CLASP2: variants seen among roughly 807,000 people sequenced by gnomAD.
CLASP2 encodes the protein CLIP-associating protein 2.
In CLASP2, 47 loss-of-function variants were observed where a neutral mutation model predicts 194.4. The ratio of observed to expected loss-of-function variants is 0.24; its 90% CI spans 0.19 to 0.31. The LOEUF (loss-of-function observed/expected upper bound fraction) is 0.31. CLASP2 is among the 10% of genes least tolerant of loss of function. CLASP2 has a pLI of 1.00. For synonymous variants in CLASP2, 619 were observed against 633.5 expected (o/e 0.98, Z 0.34); for missense variants, 1,445 against 1,823.6 (o/e 0.79, Z 3.78).
chr3:33,700,305 T>A (rs930331029), intron 1 of CLASP2, among the ~76,000 whole-genome samples: 10 of 151,962 alleles, frequency 6.6e-5, no homozygotes, highest in African/African-American at 2.4e-4. Flanking sequence ...CACATACCTG[T>A]AATCCCAGCT....
In CLASP2 at chr3:33,688,341, A is replaced by C; in HGVS notation, c.406T>G (p.Phe136Val). 1 of 1,591,824 alleles carries C rather than the reference A, an allele frequency of 6.3e-7. No homozygotes were observed. The highest frequency in any genetic ancestry group is 8.6e-7 in the Non-Finnish European group (1 of 1,168,132). Reference protein sequence around the residue: ...MYIWEQLASGFKHKNFRSREG... With the variant: ...MYIWEQLASGVKHKNFRSREG... The stretch of plus-strand genomic sequence containing the variant: ...CGAGATCGAAAATTCTTGTGTTTAA[A>C]ACCAGAAGCCAACTGCTCCCAAATG... The change falls in exon 4 of 39, where the codon TTT becomes GTT. Residue 136 changes from phenylalanine to valine, a missense_variant. This residue lies in a region of CLASP2 where 332 missense variants were observed against 325.3 expected (regional missense o/e 1.02). Coordinates refer to ENST00000682230, the MANE Select transcript of CLASP2 (RefSeq NM_001365631.1).
chr3:33,658,810 A>G (rs1355028686), intron 7 of CLASP2, among the ~76,000 whole-genome samples: 1 of 152,260 alleles, frequency 6.6e-6, no homozygotes, highest in Non-Finnish European at 1.5e-5. Flanking sequence ...GTCAAATGAC[A>G]TGCACACACA....
chr3:33,515,981 A>T, intron 36 of CLASP2, 42 bp downstream of exon 36: 1 of 1,558,568 alleles, frequency 6.4e-7, no homozygotes, highest in East Asian at 2.3e-5. Flanking sequence ...TGTTTCATGA[A>T]ATAAAATAAT....
At chr3:33,672,264 T>C (rs1168211465) in intron 6 of CLASP2, among the ~76,000 whole-genome samples, 5 of 152,140 alleles carry the variant, frequency 3.3e-5, no homozygotes, top group Non-Finnish European at 7.4e-5. Context: ...AGGAACGAGC[T>C]GACAGCAGCA....
At chr3:33,652,174 T>C (rs2083332710) in intron 7 of CLASP2, among the ~76,000 whole-genome samples, 2 of 152,180 alleles carry the variant, frequency 1.3e-5, no homozygotes, top group East Asian at 1.9e-4. Context: ...ATGCACAAAA[T>C]ATGCTCTGAT....
intron 34 of CLASP2, among the ~76,000 whole-genome samples, chr3:33,517,601 A>T (rs1381559401): frequency 6.6e-6 from 1 of 152,174 alleles, no homozygotes; most frequent in Non-Finnish European, 1.5e-5. Flanking sequence ...GGATGATAAA[A>T]ACGACCACTG....
Position 33,627,033 on chromosome 3 carries a change from T to C in CLASP2, c.990A>G (p.Glu330=). The change falls in exon 10 of 39, where the codon GAA becomes GAG. Residue 330 remains glutamate, a synonymous_variant. Coordinates refer to ENST00000682230, the MANE Select transcript of CLASP2 (RefSeq NM_001365631.1). ...AGTCATGTTTATCATCTGACAAAAT[T>C]TCCCTGATTTTATTTAATGTTTCTT... ...ELEETLNKIR[E]ILSDDKHDWD... is the part of the protein sequence containing the mutation. The C allele has an allele frequency of 6.3e-7, 1 of 1,596,318 alleles. No homozygotes were observed. Among genetic ancestry groups the C allele is most frequent in the Non-Finnish European group, 8.5e-7 (1 of 1,169,776 alleles).
chr3:33,541,083 C>T (rs4678610), intron 32 of CLASP2, among the ~76,000 whole-genome samples: 13,624 of 152,150 alleles, frequency 0.09, 628 homozygotes, highest in Admixed American at 0.11. Context: ...GATAGTGTGG[C>T]AATTCCTCAA....
chr3:33,684,073 G>A (rs188217780), intron 6 of CLASP2, among the ~76,000 whole-genome samples: 73 of 151,236 alleles, frequency 4.8e-4, no homozygotes, highest in Non-Finnish European at 9.1e-4. Context: ...GAAAAACCCC[G>A]TCTCTACTAA....
intron 32 of CLASP2, among the ~76,000 whole-genome samples, chr3:33,540,972 C>T (rs1250014609): frequency 1.3e-5 from 2 of 151,970 alleles, no homozygotes; most frequent in Non-Finnish European, 2.9e-5. Flanking sequence ...GGGGTTTTGC[C>T]ATGTTGGTCA....
chr3:33,622,330 A>G (rs1176208979), intron 10 of CLASP2, 50 bp from the exon 11 acceptor site: 16 of 1,381,116 alleles, frequency 1.2e-5, no homozygotes, highest in Non-Finnish European at 1.5e-5. Context: ...AGTGCAAAAA[A>G]AAGAAGCTAC....
chr3:33,518,299 T>C (rs909049326), intron 34 of CLASP2, among the ~76,000 whole-genome samples: 7 of 152,224 alleles, frequency 4.6e-5, no homozygotes, highest in Non-Finnish European at 8.8e-5. Context: ...TTAAACAACT[T>C]ATCAGACAGT....
chr3:33,515,200 G>A (rs572105442), intron 36 of CLASP2, among the ~76,000 whole-genome samples: 16 of 152,016 alleles, frequency 1.1e-4, no homozygotes, highest in Non-Finnish European at 2.1e-4. Flanking sequence ...AACACCATCT[G>A]TTCCTCAAAA....
intron 27 of CLASP2, chr3:33,564,008 G>A (rs1429401698): frequency 2.3e-6 from 1 of 435,708 alleles, no homozygotes; most frequent in African/African-American, 2.0e-5. Flanking sequence ...GAAACTTCTT[G>A]GATTGCAAGT....
At chr3:33,680,652 A>T (rs936647432) in intron 6 of CLASP2, among the ~76,000 whole-genome samples, 1 of 151,966 alleles carries the variant, frequency 6.6e-6, no homozygotes, top group Non-Finnish European at 1.5e-5. Flanking sequence ...CTACAAAAAA[A>T]TTTTAAAAAT....
At chr3:33,528,304 G>C (rs1425451538) in intron 34 of CLASP2, among the ~76,000 whole-genome samples, 1 of 152,134 alleles carries the variant, frequency 6.6e-6, no homozygotes, top group African/African-American at 2.4e-5. Flanking sequence ...AATAATAAGA[G>C]CCATATATGA....
At chr3:33,519,818 T>C (rs776924006) in intron 34 of CLASP2, among the ~76,000 whole-genome samples, 1 of 152,286 alleles carries the variant, frequency 6.6e-6, no homozygotes, top group Non-Finnish European at 1.5e-5. Flanking sequence ...CACATTAGAC[T>C]ATGATGAAGT....
intron 36 of CLASP2, 78 bp from the exon 37 acceptor site, chr3:33,510,842 A>C: frequency 8.1e-7 from 1 of 1,242,030 alleles, no homozygotes; most frequent in Non-Finnish European, 1.1e-6. Context: ...AACTTCATGA[A>C]GTATTCAATA....
intron 6 of CLASP2, among the ~76,000 whole-genome samples, chr3:33,672,099 C>G (rs946418591): frequency 6.6e-6 from 1 of 152,158 alleles, no homozygotes; most frequent in African/African-American, 2.4e-5. Context: ...AGTGGTTCTC[C>G]CAGCAGGCAG....
Sources: allele counts gnomAD v4.1 joint callset (sites outside exome capture counted in the v4.1 genomes callset), GRCh38; gene constraint gnomAD v4.1.1; regional missense constraint gnomAD v4.1.1; transcripts MANE v1.5; gene names NCBI Gene and HGNC (gene_info 2026-07-23, HGNC 2026-07-21).